The following PPARGC1B variants were observed in gnomAD, a reference collection of about 807,000 sequenced individuals.
PPARGC1B encodes the protein peroxisome proliferator-activated receptor gamma coactivator 1-beta.
A neutral mutation model predicts 101.6 loss-of-function variants in PPARGC1B; 34 were observed. The ratio of observed to expected loss-of-function variants is 0.33; its 90% CI spans 0.25 to 0.45. PPARGC1B has a LOEUF of 0.45. Among genes scored for constraint, PPARGC1B ranks in the 20% least tolerant of loss-of-function variants. The pLI is 1.00. For missense variants in PPARGC1B, 1,234 were observed against 1,317.6 expected (o/e 0.94, Z 0.98); for synonymous variants, 548 against 539.3 (o/e 1.02, Z -0.22).
intron 1 of PPARGC1B, among the ~76,000 whole-genome samples, chr5:149,752,790 T>C (rs569861662): frequency 8.5e-4 from 129 of 152,220 alleles, no homozygotes; most frequent in African/African-American, 2.9e-3. Flanking sequence ...GATCGTACCA[T>C]TGCACTCCAG....
chr5:149,816,892 C>T (rs1758074365), intron 1 of PPARGC1B, among the ~76,000 whole-genome samples: 1 of 152,226 alleles, frequency 6.6e-6, no homozygotes, highest in Admixed American at 6.5e-5. Flanking sequence ...ATGGCTACAA[C>T]AGCTGTTAAA....
At chr5:149,753,541 T>A (rs74822986) in intron 1 of PPARGC1B, among the ~76,000 whole-genome samples, 3,582 of 151,964 alleles carry the variant, frequency 0.024, 139 homozygotes, top group African/African-American at 0.081. Context: ...GTTAAAAAAA[T>A]TTTTTTTAAC....
intron 3 of PPARGC1B, among the ~76,000 whole-genome samples, chr5:149,830,050 A>G (rs1366244366): frequency 6.5e-5 from 7 of 107,504 alleles, no homozygotes; most frequent in East Asian, 2.2e-4. Flanking sequence ...AAAAAAAAAA[A>G]AAAAGAAAAA....
rs1418201361 is a variant in PPARGC1B, at chr5:149,852,864, T to G, written c.*5306T>G. The G allele has an allele frequency of 6.6e-6, 1 of 152,208 alleles. No individual in the cohort carries two copies. The highest frequency in any genetic ancestry group is 1.9e-4 in the East Asian group (1 of 5,194). 9.4% of individuals were successfully genotyped at this position (152,208 alleles called of 1,614,324 possible). A position where few individuals can be genotyped will look rare whatever the true frequency, so the allele number is the denominator to read the frequency against. On this transcript the variant is annotated 3_prime_UTR_variant, in exon 12 of 12. Transcript: ENST00000309241. ...TGTTTCTTTAATGGTATAGCAGCAG[T>G]GACTGAGCCTTCGTGATTCCTGGGG...
intron 1 of PPARGC1B, among the ~76,000 whole-genome samples, chr5:149,816,644 G>T (rs567352766): frequency 6.6e-6 from 1 of 152,322 alleles, no homozygotes; most frequent in Non-Finnish European, 1.5e-5. Context: ...TGGGACTCTG[G>T]TTCTAAAGCT....
At chr5:149,769,054 C>G (rs980946234) in intron 1 of PPARGC1B, among the ~76,000 whole-genome samples, 4 of 152,216 alleles carry the variant, frequency 2.6e-5, no homozygotes, top group Non-Finnish European at 5.9e-5. Flanking sequence ...TGCAGCCACT[C>G]CCCAGCACTA....
intron 2 of PPARGC1B, among the ~76,000 whole-genome samples, chr5:149,824,378 T>C (rs1438489241): frequency 2.6e-5 from 4 of 152,184 alleles, no homozygotes; most frequent in Non-Finnish European, 5.9e-5. Context: ...TCATTCACTC[T>C]TTCATTAAGT....
In PPARGC1B at chr5:149,821,462, C is replaced by T. The variant is rs188856773; in HGVS notation, c.252+856C>T. On this transcript the variant is annotated intron_variant, in intron 2 of 11. Transcript: ENST00000309241. Reference sequence around the variant, plus strand: ...GGGAGTGTGCGGCCTAGAGGGTAATCGATGAAATTGGATTGGCCGTATTTA... The same window carrying T: ...GGGAGTGTGCGGCCTAGAGGGTAATTGATGAAATTGGATTGGCCGTATTTA... 3.3e-5 allele frequency among the ~76,000 whole-genome samples: 5 copies of T among 152,168 alleles called. No homozygotes were observed. In the East Asian group the frequency reaches 5.8e-4, roughly 18 times the overall value.
chr5:149,745,613 C>A (rs148568147), intron 1 of PPARGC1B, among the ~76,000 whole-genome samples: 18 of 152,234 alleles, frequency 1.2e-4, no homozygotes, highest in African/African-American at 3.9e-4. Flanking sequence ...GGGAACAGAT[C>A]GAAAGCCTCT....
At chr5:149,756,650 C>T (rs1755530980) in intron 1 of PPARGC1B, among the ~76,000 whole-genome samples, 1 of 152,166 alleles carries the variant, frequency 6.6e-6, no homozygotes, top group African/African-American at 2.4e-5. Context: ...GGACACAGAG[C>T]TTCCCTAAGG....
chr5:149,747,290 G>C (rs1463604477), intron 1 of PPARGC1B, among the ~76,000 whole-genome samples: 1 of 152,204 alleles, frequency 6.6e-6, no homozygotes, highest in African/African-American at 2.4e-5. Context: ...TGTAAGGTAA[G>C]AGTCCAACTT....
intron 1 of PPARGC1B, among the ~76,000 whole-genome samples, chr5:149,786,589 C>T (rs1756818057): frequency 6.6e-6 from 1 of 152,192 alleles, no homozygotes; most frequent in East Asian, 1.9e-4. Flanking sequence ...AGCCAAGATC[C>T]AGAGGCAGGC....
chr5:149,740,633 C>A (rs1283823992), intron 1 of PPARGC1B, among the ~76,000 whole-genome samples: 1 of 152,188 alleles, frequency 6.6e-6, no homozygotes, highest in African/African-American at 2.4e-5. Flanking sequence ...TTTTAACTGC[C>A]TATGGTTTAA....
chr5:149,812,218 T>A (rs1031513889), intron 1 of PPARGC1B, among the ~76,000 whole-genome samples: 3 of 152,162 alleles, frequency 2.0e-5, no homozygotes, highest in African/African-American at 7.2e-5. Context: ...TCTCTGAGTT[T>A]AAGATGTTCT....
chr5:149,819,038 T>A (rs1015773798), intron 1 of PPARGC1B, among the ~76,000 whole-genome samples: 2 of 152,254 alleles, frequency 1.3e-5, no homozygotes, highest in African/African-American at 4.8e-5. Context: ...GTTCTTCTAT[T>A]GGTAACCATT....
intron 1 of PPARGC1B, among the ~76,000 whole-genome samples, chr5:149,757,807 G>C (rs1341888651): frequency 6.6e-6 from 1 of 152,218 alleles, no homozygotes; most frequent in Non-Finnish European, 1.5e-5. Context: ...AGCGTGGCTA[G>C]CTCATGGGGC....
rs1184762988 is a variant in PPARGC1B at position 149,850,560 on chromosome 5, T to A, written c.*3002T>A. 4 of 152,210 alleles carry A rather than the reference T, an allele frequency of 2.6e-5. No individual in the cohort carries two copies. Among genetic ancestry groups the A allele is most frequent in the Non-Finnish European group, 5.9e-5 (4 of 68,040 alleles). 9.4% of individuals were successfully genotyped at this position (152,210 alleles called of 1,614,324 possible). A position where few individuals can be genotyped will look rare whatever the true frequency, so the allele number is the denominator to read the frequency against. On this transcript the variant is annotated 3_prime_UTR_variant, in exon 12 of 12. Coordinates refer to ENST00000309241, the MANE Select transcript of PPARGC1B (RefSeq NM_133263.4). ...CGAAGGACTCATTCGGTGCTGTGTA[T>A]TATTTAGGGCAACTCCAAGGTCTAT...
At chr5:149,822,797 A>T (rs1330276785) in intron 2 of PPARGC1B, among the ~76,000 whole-genome samples, 1 of 152,170 alleles carries the variant, frequency 6.6e-6, no homozygotes, top group Non-Finnish European at 1.5e-5. Flanking sequence ...GACTCAATTC[A>T]TAGGTGTTGA....
In PPARGC1B at chr5:149,852,380, C is replaced by T. The variant is rs1250024205; in HGVS notation, c.*4822C>T. The stretch of plus-strand genomic sequence containing the variant: ...ATCCCCAACCAGGAGCATTGGGAAT[C>T]CATCACTCCTCCTTGAAACTGATTC... On this transcript the variant is annotated 3_prime_UTR_variant, in exon 12 of 12. Coordinates refer to ENST00000309241, the MANE Select transcript of PPARGC1B (RefSeq NM_133263.4). 1 of 152,186 alleles carries T rather than the reference C, an allele frequency of 6.6e-6. No homozygotes were observed. The allele number at this position is 152,186 out of a possible 1,614,324, so 9.4% of individuals were successfully genotyped here. A position where few individuals can be genotyped will look rare whatever the true frequency, so the allele number is the denominator to read the frequency against.
Sources: gnomAD v4.1 joint callset for allele counts (sites outside exome capture counted in the v4.1 genomes callset) on GRCh38, gnomAD v4.1.1 for gene constraint, MANE v1.5 for transcripts, NCBI Gene and HGNC (gene_info 2026-07-23, HGNC 2026-07-21) for gene names.